Variants in SLC22A15 observed in about 807,000 individuals in gnomAD.
SLC22A15 encodes the protein solute carrier family 22 member 15, also known as flipt 1.
A neutral mutation model predicts 62.7 loss-of-function variants in SLC22A15; 45 were observed. The observed-to-expected ratio is 0.72, with a 90% CI of 0.56 to 0.92. The LOEUF (loss-of-function observed/expected upper bound fraction) is 0.92, where lower values mean the gene tolerates loss of function less well. Ranked by LOEUF, SLC22A15 falls within the 40% of genes least tolerant of loss-of-function variation. The pLI, the probability that SLC22A15 is intolerant of heterozygous loss-of-function variation, is 0.00. For missense variants in SLC22A15, 622 were observed against 665.6 expected (o/e 0.93, Z 0.72); for synonymous variants, 264 against 267.0 (o/e 0.99, Z 0.11).
chr1:116,045,116 T>C (rs1657895737), intron 8 of SLC22A15, among the ~76,000 whole-genome samples: 1 of 152,122 alleles, frequency 6.6e-6, no homozygotes. Context: ...TGATCTCGGC[T>C]CACTGCAACC....
At chr1:116,058,541 T>A (rs554534212) in intron 8 of SLC22A15, among the ~76,000 whole-genome samples, 3 of 152,164 alleles carry the variant, frequency 2.0e-5, no homozygotes, top group Non-Finnish European at 4.4e-5. Flanking sequence ...GTACAGCCAC[T>A]ATGGAAAACC....
intron 8 of SLC22A15, among the ~76,000 whole-genome samples, chr1:116,060,658 C>T (rs1658359226): frequency 6.6e-6 from 1 of 152,188 alleles, no homozygotes; most frequent in Non-Finnish European, 1.5e-5. Context: ...AATACCTTTT[C>T]CCAACTCATT....
intron 4 of SLC22A15, 101 bp from the exon 5 acceptor site, chr1:116,026,792 C>A: frequency 6.9e-7 from 1 of 1,438,902 alleles, no homozygotes. Flanking sequence ...CAGCATAGGG[C>A]TGACATCTCA....
intron 7 of SLC22A15, among the ~76,000 whole-genome samples, chr1:116,035,631 TAGTCTCC>T (rs1278973786): frequency 6.6e-6 from 1 of 152,208 alleles, no homozygotes; most frequent in Admixed American, 6.5e-5. Context: ...TGTAATTTGT[TAGTCTCC>T]AGAGATGAGA....
At chr1:116,064,224 C>G (rs1174921957) in intron 9 of SLC22A15, among the ~76,000 whole-genome samples, 2 of 151,710 alleles carry the variant, frequency 1.3e-5, no homozygotes, top group African/African-American at 4.8e-5. Context: ...CTCAGTAGTG[C>G]TTGTGTCTAG....
At chr1:116,062,669 A>C (rs577496297) in intron 8 of SLC22A15, 93 bp from the exon 9 acceptor site, 2 of 1,476,112 alleles carry the variant, frequency 1.4e-6, no homozygotes, top group Admixed American at 3.5e-5. Flanking sequence ...TGAGATCAAC[A>C]TGAATGCCAC....
chr1:116,038,866 G>T (rs10923963), intron 8 of SLC22A15, among the ~76,000 whole-genome samples: 2 of 152,080 alleles, frequency 1.3e-5, no homozygotes, highest in African/African-American at 4.8e-5. Context: ...ATATACACAC[G>T]TGTAACCTAT....
chr1:116,066,560 C>T lies in SLC22A15; in HGVS notation c.1406C>T (p.Ala469Val). The change falls in exon 11 of 12, where the codon GCC (alanine) becomes GTC (valine). Residue 469 changes from alanine (A) to valine (V), a missense_variant. Physicochemically the swap from Ala to Val is moderately conservative, Grantham distance 64. Coordinates refer to ENST00000369503, the MANE Select transcript of SLC22A15 (RefSeq NM_018420.3). ...TCTTTACCATTCATTGTCTTCGGAG[C>T]CACGGGTCTGACCTCCGGCCTCCTG... ...QWSLPFIVFG[A>V]TGLTSGLLSL... is the part of the protein sequence containing the mutation. 1 of 1,607,408 alleles carries T rather than the reference C, an allele frequency of 6.2e-7. No individual in the cohort carries two copies. Among genetic ancestry groups the T allele is most frequent in the Non-Finnish European group, 8.5e-7 (1 of 1,176,824 alleles).
intron 8 of SLC22A15, among the ~76,000 whole-genome samples, chr1:116,051,515 A>C (rs1658047759): frequency 6.6e-6 from 1 of 152,222 alleles, no homozygotes; most frequent in African/African-American, 2.4e-5. Flanking sequence ...AGCCACATGT[A>C]GGAGAATGAA....
At chr1:116,035,982 CA>C (rs1657618596) in intron 7 of SLC22A15, among the ~76,000 whole-genome samples, 1 of 152,124 alleles carries the variant, frequency 6.6e-6, no homozygotes. Context: ...TCTTTTTCTC[CA>C]AAAATCATCA....
intron 1 of SLC22A15, among the ~76,000 whole-genome samples, chr1:115,978,846 G>A (rs534390397): frequency 6.6e-6 from 1 of 152,274 alleles, no homozygotes; most frequent in African/African-American, 2.4e-5. Flanking sequence ...CCCCAGCAGA[G>A]TAAGAAGCCC....
At chr1:116,027,384 G>T (rs1439747500) in intron 5 of SLC22A15, 3 of 518,638 alleles carry the variant, frequency 5.8e-6, no homozygotes. Flanking sequence ...GTAGAACAGT[G>T]TATTCATATT....
At chr1:116,064,372 C>A in intron 9 of SLC22A15, 64 bp from the exon 10 acceptor site, 1 of 1,211,656 alleles carries the variant, frequency 8.3e-7, no homozygotes, top group Non-Finnish European at 1.2e-6. Context: ...CCGCTGCTGC[C>A]CCCCAAGGGT....
intron 2 of SLC22A15, among the ~76,000 whole-genome samples, chr1:115,994,894 T>C (rs1222240406): frequency 2.0e-5 from 3 of 152,232 alleles, no homozygotes; most frequent in Non-Finnish European, 4.4e-5. Context: ...GATAGCATTG[T>C]ATTTTCCTCT....
At chr1:116,015,729 A>G (rs1360928985) in intron 2 of SLC22A15, among the ~76,000 whole-genome samples, 1 of 152,224 alleles carries the variant, frequency 6.6e-6, no homozygotes, top group African/African-American at 2.4e-5. Flanking sequence ...TTTTGAAAGC[A>G]TGAAGAGACT....
At chr1:116,027,129 C>G in intron 5 of SLC22A15, 107 bp downstream of exon 5, 1 of 1,110,830 alleles carries the variant, frequency 9.0e-7, no homozygotes, top group Non-Finnish European at 1.3e-6. Flanking sequence ...CTTGCCTGCA[C>G]TGACTTTGGT....
chr1:116,061,340 G>A (rs562042441), intron 8 of SLC22A15, among the ~76,000 whole-genome samples: 1 of 152,176 alleles, frequency 6.6e-6, no homozygotes, highest in Non-Finnish European at 1.5e-5. Context: ...CTTAGGGGAA[G>A]AGTGGTTTCT....
At chr1:115,976,804 G>T (rs1654318030) in intron 1 of SLC22A15, 90 bp downstream of exon 1, 1 of 970,462 alleles carries the variant, frequency 1.0e-6, no homozygotes, top group African/African-American at 1.7e-5. Context: ...CCGGGGCCGG[G>T]GCCGAGGCCG....
intron 6 of SLC22A15, among the ~76,000 whole-genome samples, chr1:116,033,599 G>GTGTA: frequency 1.3e-5 from 2 of 151,354 alleles, no homozygotes; most frequent in African/African-American, 2.4e-5. Context: ...ATGTGTGTGT[G>GTGTA]TGTGGCTGGA....
Sources: gnomAD v4.1 joint callset for allele counts (sites outside exome capture counted in the v4.1 genomes callset) on GRCh38, gnomAD v4.1.1 for gene constraint, MANE v1.5 for transcripts, NCBI Gene and HGNC (gene_info 2026-07-23, HGNC 2026-07-21) for gene names.